NLGN1: variants seen among roughly 807,000 people sequenced by gnomAD.
NLGN1 encodes the protein neuroligin-1.
Under a neutral mutation model 65.5 loss-of-function variants are expected in NLGN1, and 12 were observed. The ratio of observed to expected loss-of-function variants is 0.18; its 90% CI spans 0.12 to 0.30. The LOEUF (loss-of-function observed/expected upper bound fraction) is 0.30, where lower values mean the gene tolerates loss of function less well. Ranked by LOEUF, NLGN1 falls within the 10% of genes least tolerant of loss-of-function variation. NLGN1 has a pLI of 1.00. For missense variants in NLGN1, 750 were observed against 1,007.1 expected, an observed-to-expected ratio of 0.74 and a Z score of 3.46; for synonymous variants, 350 against 359.5, an observed-to-expected ratio of 0.97 and a Z score of 0.30.
intron 4 of NLGN1, among the ~76,000 whole-genome samples, chr3:174,191,861 C>CTA (rs1486551034): frequency 6.6e-6 from 1 of 152,076 alleles, no homozygotes; most frequent in Non-Finnish European, 1.5e-5. Context: ...ATGAGATACT[C>CTA]TGAGTGTTTG....
chr3:173,621,213 A>G (rs2149503157), intron 3 of NLGN1, among the ~76,000 whole-genome samples: 1 of 152,160 alleles, frequency 6.6e-6, no homozygotes, highest in East Asian at 1.9e-4. Flanking sequence ...GAAATGTTAT[A>G]GCTCTTCATA....
In NLGN1 at chr3:173,812,175, C is replaced by T. The variant is rs1025908219; in HGVS notation, c.646+4343C>T. Among the ~76,000 whole-genome samples the T allele has an allele frequency of 1.4e-4, 21 of 152,152 alleles. 1 individual carries two copies. The highest frequency in any genetic ancestry group is 1.0e-4 in the Non-Finnish European group (7 of 67,984). On this transcript the variant is annotated intron_variant, in intron 4 of 6. Transcript: ENST00000457714. ...TTGGTAATTGAATATTTACACCACC[C>T]GTCCATGGAAAAAAATAATTTAAAG...
chr3:174,254,306 A>ATTTTTTTTTTTTTTTTTTTTTTTTT (rs371427726), intron 4 of NLGN1, among the ~76,000 whole-genome samples: 4 of 113,756 alleles, frequency 3.5e-5, no homozygotes, highest in Non-Finnish European at 5.2e-5. Flanking sequence ...GTCCTTTTTA[A>ATTTTTTTTTTTTTTTTTTTTTTTTT]TTTTTTTTTT....
At chr3:173,628,945 C>T (rs1007017003) in intron 3 of NLGN1, among the ~76,000 whole-genome samples, 3 of 151,910 alleles carry the variant, frequency 2.0e-5, no homozygotes, top group East Asian at 1.9e-4. Context: ...CCACACACCT[C>T]GGCCTCCCAA....
In NLGN1 at chr3:174,279,499, T is replaced by G; in HGVS notation, c.1498T>G (p.Trp500Gly). The change falls in exon 6 of 7, where the codon TGG (tryptophan) becomes GGG (glycine). Residue 500 changes from tryptophan to glycine, a missense_variant. Physicochemically the swap from Trp to Gly is radical, Grantham distance 184. Coordinates refer to ENST00000457714, the Ensembl canonical transcript of NLGN1. This position sits in a 1 kb window ranked among gnomAD's most constrained non-coding sequence, Gnocchi z 4.7. ...TTGCCAAACAGATCAGGTTCCAGCT[T>G]GGGCTGATGCAGCCCACGGAGACGA... 1 of 1,613,176 alleles carries G rather than the reference T, an allele frequency of 6.2e-7. No individual in the cohort carries two copies. The highest frequency in any genetic ancestry group is 8.5e-7 in the Non-Finnish European group (1 of 1,179,530).
At chr3:174,278,103 C>A (rs932709593) in intron 5 of NLGN1, among the ~76,000 whole-genome samples, 2 of 151,960 alleles carry the variant, frequency 1.3e-5, no homozygotes, top group African/African-American at 2.4e-5. Flanking sequence ...TGCTTTTCAT[C>A]TTTTATGATA....
At chr3:173,877,515 C>A (rs1357431931) in intron 4 of NLGN1, among the ~76,000 whole-genome samples, 1 of 151,618 alleles carries the variant, frequency 6.6e-6, no homozygotes, top group Non-Finnish European at 1.5e-5. Context: ...CCTGCAGAAA[C>A]TTGAGTAAGT....
chr3:173,412,311 G>GACGCGCACACAC (rs1553842761), intron 1 of NLGN1, among the ~76,000 whole-genome samples: 19 of 147,636 alleles, frequency 1.3e-4, no homozygotes, highest in African/African-American at 4.4e-4. Context: ...CTCTCACTCT[G>GACGCGCACACAC]ACACACACAC....
intron 4 of NLGN1, among the ~76,000 whole-genome samples, chr3:174,092,118 C>A (rs1310058264): frequency 6.6e-6 from 1 of 152,142 alleles, no homozygotes; most frequent in Non-Finnish European, 1.5e-5. Context: ...AAGCATTCCT[C>A]TTAGCCCATG....
intron 3 of NLGN1, among the ~76,000 whole-genome samples, chr3:173,777,414 C>T (rs1780462466): frequency 6.6e-6 from 1 of 151,778 alleles, no homozygotes; most frequent in Non-Finnish European, 1.5e-5. Flanking sequence ...CTGTATACCT[C>T]TACAGGGTGA....
At chr3:173,866,221 G>A (rs1030204205) in intron 4 of NLGN1, among the ~76,000 whole-genome samples, 2 of 152,134 alleles carry the variant, frequency 1.3e-5, no homozygotes, top group Non-Finnish European at 2.9e-5. Flanking sequence ...TTAGGAGCAG[G>A]CATTTGAAAA....
intron 4 of NLGN1, among the ~76,000 whole-genome samples, chr3:174,204,322 A>C: frequency 6.6e-6 from 1 of 152,210 alleles, no homozygotes; most frequent in Admixed American, 6.5e-5. Context: ...TTTCCAGAGG[A>C]AGAAATATTC....
intron 4 of NLGN1, among the ~76,000 whole-genome samples, chr3:173,813,689 T>C (rs1487521959): frequency 6.6e-6 from 1 of 152,250 alleles, no homozygotes; most frequent in Admixed American, 6.5e-5. Context: ...AGTTAGGTCA[T>C]GAATATGTAC....
At chr3:173,533,217 T>TA (rs1222613966) in intron 2 of NLGN1, among the ~76,000 whole-genome samples, 2 of 152,238 alleles carry the variant, frequency 1.3e-5, no homozygotes, top group African/African-American at 4.8e-5. Context: ...ATACTTCAAT[T>TA]AAATCTGTAT....
chr3:174,079,858 G>A (rs1741776690), intron 4 of NLGN1, among the ~76,000 whole-genome samples: 1 of 152,052 alleles, frequency 6.6e-6, no homozygotes, highest in African/African-American at 2.4e-5. Flanking sequence ...ACTCATAGAG[G>A]GGACCTACAC....
intron 3 of NLGN1, among the ~76,000 whole-genome samples, chr3:173,797,693 C>CAAAAAAAAAAAAAAAAA (rs1312419518): frequency 7.1e-5 from 4 of 56,528 alleles, no homozygotes; most frequent in East Asian, 4.6e-4. Context: ...ACAACAACAA[C>CAAAAAAAAAAAAAAAAA]AACAACAAAA....
chr3:174,052,490 C>T (rs938160156), intron 4 of NLGN1, among the ~76,000 whole-genome samples: 5 of 151,800 alleles, frequency 3.3e-5, no homozygotes, highest in African/African-American at 9.7e-5. Flanking sequence ...TTCATTCTGA[C>T]CTATTCAATT....
chr3:173,594,449 C>T (rs1272733115), intron 2 of NLGN1, among the ~76,000 whole-genome samples: 1 of 152,198 alleles, frequency 6.6e-6, no homozygotes, highest in African/African-American at 2.4e-5. Flanking sequence ...GGGTGGGTTC[C>T]CATGGTCTTG....
intron 4 of NLGN1, among the ~76,000 whole-genome samples, chr3:173,942,144 GTGTGTGTGTGTGTA>G (rs1746251027): frequency 7.5e-6 from 1 of 133,442 alleles, no homozygotes; most frequent in Admixed American, 7.6e-5. Flanking sequence ...GTGTGTGTAT[GTGTGTGTGTGTGTA>G]TGTGTATATA....
Sources: allele counts gnomAD v4.1 joint callset (sites outside exome capture counted in the v4.1 genomes callset), GRCh38; gene constraint gnomAD v4.1.1; non-coding constraint Gnocchi (gnomAD v3.1); transcripts MANE v1.5; gene names NCBI Gene and HGNC (gene_info 2026-07-23, HGNC 2026-07-21).